KDM4C: variants seen among roughly 807,000 people sequenced by gnomAD.
The protein encoded by KDM4C is lysine demethylase 4C, also known as lysine-specific demethylase 4C.
KDM4C carries 81 observed loss-of-function variants against 129.3 expected under a neutral mutation model. That is an observed-to-expected ratio of 0.63 (90% CI 0.52 to 0.75). The LOEUF (loss-of-function observed/expected upper bound fraction) is 0.75. Among genes scored for constraint, KDM4C ranks in the 30% least tolerant of loss-of-function variants. The pLI, the probability that KDM4C is intolerant of heterozygous loss-of-function variation, is 0.00. For missense variants in KDM4C, 1,457 were observed against 1,304.0 expected (o/e 1.12, Z -1.81); for synonymous variants, 573 against 456.1 (o/e 1.26, Z -3.26).
chr9:6,764,856 G>A (rs1216229890), intron 1 of KDM4C, among the ~76,000 whole-genome samples: 1 of 152,122 alleles, frequency 6.6e-6, no homozygotes, highest in Non-Finnish European at 1.5e-5. Flanking sequence ...TATAACAAAT[G>A]TAACTCTGAT....
In KDM4C at chr9:7,052,898, A is replaced by AGAGC. The variant is rs1554718544; in HGVS notation, c.2424+3706_2424+3709dup. 1.8e-3 allele frequency among the ~76,000 whole-genome samples: 85 copies of AGAGC among 47,610 alleles called. 5 individuals are homozygous for AGAGC. The highest frequency in any genetic ancestry group is 4.4e-3 in the Non-Finnish European group (64 of 14,392). The allele number at this position is 47,610 out of a possible 152,430, so 31.2% of individuals were successfully genotyped here. ...GAGAGAGAGAGAGAGAGAGAGAGAG[A>AGAGC]GAGCGAGCGAGTGCCCAAGGGATGA... On this transcript the variant is annotated intron_variant, in intron 17 of 21. Coordinates refer to ENST00000381309, the MANE Select transcript of KDM4C (RefSeq NM_015061.6).
chr9:7,024,490 C>A (rs111831279), intron 15 of KDM4C, among the ~76,000 whole-genome samples: 12 of 151,836 alleles, frequency 7.9e-5, no homozygotes, highest in Non-Finnish European at 1.3e-4. Context: ...CCCGTCCCCC[C>A]ACCCCACAAC....
At chr9:6,891,139 G>C (rs900713720) in intron 7 of KDM4C, among the ~76,000 whole-genome samples, 7 of 152,180 alleles carry the variant, frequency 4.6e-5, no homozygotes, top group Non-Finnish European at 8.8e-5. Flanking sequence ...GGGAGTAGGG[G>C]ATGGGCAGGG....
intron 1 of KDM4C, among the ~76,000 whole-genome samples, chr9:6,725,550 C>T (rs866694994): frequency 6.6e-6 from 1 of 152,040 alleles, no homozygotes. Flanking sequence ...TGCAATGGCA[C>T]GATCTTGGCT....
At chr9:6,817,195 G>GCACCC (rs1832263877) in intron 4 of KDM4C, among the ~76,000 whole-genome samples, 1 of 53,252 alleles carries the variant, frequency 1.9e-5, no homozygotes, top group Non-Finnish European at 3.2e-5. Flanking sequence ...CCCTCCCCCT[G>GCACCC]CCCCCCCCCC....
At chr9:6,979,195 C>G (rs1161726232) in intron 8 of KDM4C, among the ~76,000 whole-genome samples, 1 of 152,198 alleles carries the variant, frequency 6.6e-6, no homozygotes, top group Non-Finnish European at 1.5e-5. Flanking sequence ...TCCAAAATAT[C>G]TTTCAATTTC....
chr9:7,054,915 A>G (rs1459467609), intron 17 of KDM4C, among the ~76,000 whole-genome samples: 1 of 152,218 alleles, frequency 6.6e-6, no homozygotes, highest in Admixed American at 6.5e-5. Context: ...ATTAAATCAC[A>G]TCTTTCAATG....
At chr9:7,003,096 C>T (rs1821029555) in intron 12 of KDM4C, among the ~76,000 whole-genome samples, 1 of 152,164 alleles carries the variant, frequency 6.6e-6, no homozygotes, top group South Asian at 2.1e-4. Context: ...GAACTCCTGA[C>T]CTCAAGTGAT....
chr9:6,800,451 A>G (rs1246119110), intron 2 of KDM4C, among the ~76,000 whole-genome samples: 1 of 151,820 alleles, frequency 6.6e-6, no homozygotes, highest in Non-Finnish European at 1.5e-5. Flanking sequence ...AGGTGGGAGG[A>G]TTTCTTGAGC....
chr9:7,132,415 A>G (rs543445621), intron 19 of KDM4C, among the ~76,000 whole-genome samples: 18 of 152,090 alleles, frequency 1.2e-4, no homozygotes, highest in East Asian at 1.2e-3. Flanking sequence ...TCTTTGAACT[A>G]TCAGGAAATG....
At chr9:6,832,428 C>CTTTTTTTT (rs758428561) in intron 4 of KDM4C, among the ~76,000 whole-genome samples, 1 of 133,770 alleles carries the variant, frequency 7.5e-6, no homozygotes, top group Non-Finnish European at 1.6e-5. Context: ...TCTTTTTTTT[C>CTTTTTTTT]TTTTTTTTTT....
chr9:7,062,669 C>T (rs1412388375), intron 17 of KDM4C, among the ~76,000 whole-genome samples: 1 of 152,138 alleles, frequency 6.6e-6, no homozygotes, highest in Non-Finnish European at 1.5e-5. Flanking sequence ...TAGGCATGCG[C>T]CACCGTGCCC....
At chr9:6,914,516 C>G (rs1042894072) in intron 8 of KDM4C, among the ~76,000 whole-genome samples, 1 of 152,116 alleles carries the variant, frequency 6.6e-6, no homozygotes, top group South Asian at 2.1e-4. Flanking sequence ...GGTATTGGAC[C>G]AATTCATGAG....
intron 8 of KDM4C, among the ~76,000 whole-genome samples, chr9:6,957,151 A>T (rs1323648837): frequency 6.6e-6 from 1 of 152,228 alleles, no homozygotes; most frequent in Non-Finnish European, 1.5e-5. Flanking sequence ...TGACTCTGGC[A>T]TAAGCTGTTT....
At position 6,842,469 on chromosome 9, in the gene KDM4C, G is replaced by C. The variant is rs375791042; in HGVS notation, c.436-7038G>C. Among the ~76,000 whole-genome samples, 494 of 151,550 alleles carry C rather than the reference G, an allele frequency of 3.3e-3. 2 individuals carry two copies. The highest frequency in any genetic ancestry group is 0.01 in the African/African-American group (426 of 41,338). On this transcript the variant is annotated intron_variant, in intron 4 of 21. Transcript: ENST00000381309. ...CTTGTCTCAGTCTCTTGAGTAGCTG[G>C]GATTACAGGCCCACACCACCACGCC...
Position 6,882,805 on chromosome 9 carries a change from TGC to T in KDM4C, c.679+2748_679+2749del, listed in dbSNP as rs1554624376. 8.0e-4 allele frequency among the ~76,000 whole-genome samples: 119 copies of T among 149,262 alleles called. 1 individual carries two copies. The highest frequency in any genetic ancestry group is 1.7e-3 in the South Asian group (8 of 4,750). On this transcript the variant is annotated intron_variant, in intron 6 of 21. Coordinates refer to ENST00000381309, the MANE Select transcript of KDM4C (RefSeq NM_015061.6). ...GTGTGTGTGTGTGTGTGTGTGTGTG[TGC>T]GCGTGTGCACGTGCACGCACATTGT...
At chr9:7,032,612 G>A (rs1255531298) in intron 15 of KDM4C, among the ~76,000 whole-genome samples, 1 of 152,190 alleles carries the variant, frequency 6.6e-6, no homozygotes. Context: ...GTCTATCTCA[G>A]AAGCCTCGTT....
At chr9:6,810,650 T>A (rs928153205) in intron 3 of KDM4C, among the ~76,000 whole-genome samples, 3 of 152,112 alleles carry the variant, frequency 2.0e-5, no homozygotes, top group Admixed American at 2.0e-4. Flanking sequence ...GGTTGGAGAA[T>A]TGCTTGAGCC....
chr9:6,914,148 T>G (rs534599805), intron 8 of KDM4C, among the ~76,000 whole-genome samples: 84 of 152,292 alleles, frequency 5.5e-4, no homozygotes, highest in Non-Finnish European at 9.8e-4. Flanking sequence ...CAACCTCTGC[T>G]TCCCAGGTTC....
Sources: gnomAD v4.1 joint callset for allele counts (sites outside exome capture counted in the v4.1 genomes callset) on GRCh38, gnomAD v4.1.1 for gene constraint, MANE v1.5 for transcripts, NCBI Gene and HGNC (gene_info 2026-07-23, HGNC 2026-07-21) for gene names.